Variants in CORO2B observed in about 807,000 individuals in gnomAD.
CORO2B encodes the protein coronin-2B.
Under a neutral mutation model 58.8 loss-of-function variants are expected in CORO2B, and 26 were observed. The observed-to-expected ratio is 0.44, with a 90% CI of 0.32 to 0.61. CORO2B has a LOEUF of 0.61. Ranked by LOEUF, CORO2B falls within the 20% of genes least tolerant of loss-of-function variation. CORO2B has a pLI of 0.04. For missense variants in CORO2B, 460 were observed against 645.1 expected (o/e 0.71, Z 3.11); for synonymous variants, 242 against 253.8 (o/e 0.95, Z 0.44).
the CORO2B span, among the ~76,000 whole-genome samples, chr15:68,547,617 C>A: frequency 6.6e-6 from 1 of 152,046 alleles, no homozygotes; most frequent in African/African-American, 2.4e-5. Flanking sequence ...GTTGGGATTA[C>A]AGGCGTGAGC....
intron 1 of CORO2B, among the ~76,000 whole-genome samples, chr15:68,623,271 C>T (rs75546133): frequency 3.1e-4 from 47 of 152,316 alleles, no homozygotes; most frequent in African/African-American, 9.4e-4. Flanking sequence ...CTTTTAAGCC[C>T]GGGCCCATGC....
intron 1 of CORO2B, among the ~76,000 whole-genome samples, chr15:68,610,142 G>A (rs533345341): frequency 6.6e-5 from 10 of 152,276 alleles, no homozygotes; most frequent in East Asian, 3.9e-4. Flanking sequence ...CAGAGATCTC[G>A]GGGAAATGGG....
chr15:68,701,495 T>C (rs1892647777), intron 3 of CORO2B, among the ~76,000 whole-genome samples: 4 of 121,532 alleles, frequency 3.3e-5, no homozygotes, highest in African/African-American at 1.2e-4. Flanking sequence ...TTTTTTTTTT[T>C]TTTTTTTTGA....
At chr15:68,720,106 G>T (rs959633594) in intron 11 of CORO2B, among the ~76,000 whole-genome samples, 3 of 152,178 alleles carry the variant, frequency 2.0e-5, no homozygotes, top group Non-Finnish European at 2.9e-5. Flanking sequence ...ACATGGTTTA[G>T]CTCAGCTGGG....
chr15:68,548,189 A>ATG, the CORO2B span, among the ~76,000 whole-genome samples: 24 of 145,118 alleles, frequency 1.7e-4, no homozygotes, highest in African/African-American at 3.3e-4. Flanking sequence ...ATATATATAT[A>ATG]TGTGTGTGTG....
intron 2 of CORO2B, among the ~76,000 whole-genome samples, chr15:68,672,877 A>AT (rs1470792109): frequency 6.6e-6 from 1 of 152,174 alleles, no homozygotes; most frequent in East Asian, 1.9e-4. Flanking sequence ...GAGCCACATA[A>AT]TGTGAGCTCG....
intron 1 of CORO2B, among the ~76,000 whole-genome samples, chr15:68,595,431 G>T (rs940070308): frequency 7.2e-5 from 11 of 152,240 alleles, no homozygotes; most frequent in Non-Finnish European, 1.0e-4. Flanking sequence ...CTTATCGTCA[G>T]ATATAGAAGC....
chr15:68,596,227 T>C (rs923981172), intron 1 of CORO2B, among the ~76,000 whole-genome samples: 2 of 151,870 alleles, frequency 1.3e-5, no homozygotes, highest in African/African-American at 4.8e-5. Flanking sequence ...GATGGGACAG[T>C]CCACATGGGT....
intron 1 of CORO2B, among the ~76,000 whole-genome samples, chr15:68,636,687 CT>C (rs1901043199): frequency 6.6e-6 from 1 of 152,236 alleles, no homozygotes; most frequent in South Asian, 2.1e-4. Flanking sequence ...AGTGGAGTGA[CT>C]CCAGATCATG....
chr15:68,684,770 T>G (rs2140305136), intron 2 of CORO2B, among the ~76,000 whole-genome samples: 1 of 152,200 alleles, frequency 6.6e-6, no homozygotes, highest in East Asian at 1.9e-4. Flanking sequence ...TCTGTGCAAG[T>G]GTTGAGGGTT....
chr15:68,581,757 T>C (rs1899433120), intron 1 of CORO2B, among the ~76,000 whole-genome samples: 1 of 152,020 alleles, frequency 6.6e-6, no homozygotes, highest in Non-Finnish European at 1.5e-5. Flanking sequence ...GTGTGAGAGG[T>C]AGGATCGCTG....
intron 1 of CORO2B, among the ~76,000 whole-genome samples, chr15:68,628,078 G>A (rs1236888520): frequency 2.0e-5 from 3 of 152,114 alleles, no homozygotes; most frequent in Non-Finnish European, 4.4e-5. Flanking sequence ...AAAGGGGAAG[G>A]GCCAGCATAA....
the CORO2B span, among the ~76,000 whole-genome samples, chr15:68,543,197 T>C: frequency 6.6e-6 from 1 of 152,168 alleles, no homozygotes; most frequent in Non-Finnish European, 1.5e-5. Context: ...AGGATGCATT[T>C]TCAAAGACTG....
chr15:68,723,536 C>T lies in CORO2B; in HGVS notation c.1312-2307C>T, dbSNP rs553017787. On this transcript the variant is annotated intron_variant, in intron 11 of 11. Transcript: ENST00000261861. Reference sequence around the variant, plus strand: ...GTGGCATGATCTCGGCTCACTGCAACCTCCACCTCCCGGGTTCAAGCAATT... The same window carrying T: ...GTGGCATGATCTCGGCTCACTGCAATCTCCACCTCCCGGGTTCAAGCAATT... Among the ~76,000 whole-genome samples, 360 of 152,112 alleles carry T rather than the reference C, an allele frequency of 2.4e-3. 3 individuals carry two copies. Among genetic ancestry groups the T allele is most frequent in the African/African-American group, 8.4e-3 (347 of 41,488 alleles).
intron 11 of CORO2B, 127 bp from the exon 12 acceptor site, chr15:68,725,716 A>C: frequency 6.0e-6 from 7 of 1,173,182 alleles, no homozygotes; most frequent in East Asian, 2.4e-5. Context: ...TAAATGTATC[A>C]AGCAGTGGGA....
intron 9 of CORO2B, 111 bp downstream of exon 9, chr15:68,718,921 G>A (rs1281558641): frequency 2.0e-6 from 2 of 985,838 alleles, no homozygotes; most frequent in African/African-American, 1.6e-5. Context: ...CTGTGAACTG[G>A]GGTCTTCAAA....
chr15:68,605,200 C>T (rs911647440), intron 1 of CORO2B, among the ~76,000 whole-genome samples: 7 of 152,064 alleles, frequency 4.6e-5, no homozygotes, highest in African/African-American at 1.2e-4. Context: ...ATGGCAGTGT[C>T]GTCCAAAGTT....
intron 3 of CORO2B, among the ~76,000 whole-genome samples, chr15:68,701,043 C>T (rs1892630169): frequency 6.6e-6 from 1 of 152,190 alleles, no homozygotes; most frequent in Non-Finnish European, 1.5e-5. Context: ...CCACCCACCA[C>T]CCTGCCTCCT....
chr15:68,622,920 T>C (rs532902874), intron 1 of CORO2B, among the ~76,000 whole-genome samples: 3 of 152,280 alleles, frequency 2.0e-5, no homozygotes, highest in Non-Finnish European at 4.4e-5. Flanking sequence ...ACTTAGCACG[T>C]GTCTGGTGCT....
Sources: allele counts gnomAD v4.1 joint callset (sites outside exome capture counted in the v4.1 genomes callset), GRCh38; gene constraint gnomAD v4.1.1; transcripts MANE v1.5; gene names NCBI Gene and HGNC (gene_info 2026-07-23, HGNC 2026-07-21).